Variants in ZNF536 observed in about 807,000 individuals in gnomAD.
ZNF536 encodes zinc finger protein 536.
In ZNF536, 13 loss-of-function variants were observed where a neutral mutation model predicts 84.5. That is an observed-to-expected ratio of 0.15 (90% CI 0.10 to 0.24). ZNF536 has a LOEUF of 0.24. ZNF536 is among the 10% of genes least tolerant of loss of function. ZNF536 has a pLI of 1.00. For synonymous variants in ZNF536, 811 were observed against 742.5 expected, an observed-to-expected ratio of 1.09 and a Z score of -1.50; for missense variants, 1,536 against 1,747.5, an observed-to-expected ratio of 0.88 and a Z score of 2.16.
chr19:30,639,972 C>T (rs920612169), intron 1 of ZNF536, among the ~76,000 whole-genome samples: 6 of 152,206 alleles, frequency 3.9e-5, no homozygotes, highest in Non-Finnish European at 5.9e-5. Flanking sequence ...TGGCCAGGTG[C>T]TGTGGCTCAC....
At chr19:30,450,851 C>T (rs1568444740) in intron 2 of ZNF536, among the ~76,000 whole-genome samples, 1 of 152,124 alleles carries the variant, frequency 6.6e-6, no homozygotes, top group Non-Finnish European at 1.5e-5. Context: ...GCCCCCAGCC[C>T]ACCCCAACTC....
In ZNF536 at chr19:30,485,623, T is replaced by A. The variant is rs1169622514; in HGVS notation, c.2170+39891T>A. On this transcript the variant is annotated intron_variant, in intron 2 of 4. Coordinates refer to ENST00000355537, the MANE Select transcript of ZNF536 (RefSeq NM_014717.3). ...TTCTTCTTTTTTTTTTTGTCTTTTC[T>A]TGGCCTTTTAGCAAAGACTGTGGAA... Among the ~76,000 whole-genome samples the A allele has an allele frequency of 2.0e-5, 3 of 151,916 alleles. No individual in the cohort carries two copies. In the East Asian group the frequency reaches 5.8e-4, roughly 29 times the overall value.
intron 3 of ZNF536, among the ~76,000 whole-genome samples, chr19:30,545,366 A>C (rs1440815763): frequency 8.0e-6 from 1 of 124,618 alleles, no homozygotes; most frequent in Non-Finnish European, 1.6e-5. Context: ...CAGTTTAAGT[A>C]CTACCCGCTC....
At chr19:30,428,478 A>G (rs976918485) in intron 1 of ZNF536, among the ~76,000 whole-genome samples, 3 of 152,252 alleles carry the variant, frequency 2.0e-5, no homozygotes, top group Admixed American at 6.5e-5. Context: ...TCTGTTACCC[A>G]GAGTCCCAGT....
rs111933856 is a variant in ZNF536 at position 30,266,471 on chromosome 19, C to T, written c.-189-17601C>T. Among the ~76,000 whole-genome samples, 1,403 of 152,260 alleles carry T rather than the reference C, an allele frequency of 9.2e-3. 10 individuals carry two copies. The highest frequency in any genetic ancestry group is 0.031 in the Middle Eastern group (9 of 294). On this transcript the variant is annotated intron_variant, in intron 1 of 5. Transcript: ENST00000585628. ...CCCAGTGGTGGCTTCCCCAAGGGAA[C>T]GGTTGGCATATGTTTAATTATTCAT...
chr19:30,455,311 A>G (rs866039549), intron 2 of ZNF536, among the ~76,000 whole-genome samples: 5 of 152,160 alleles, frequency 3.3e-5, no homozygotes, highest in Non-Finnish European at 5.9e-5. Flanking sequence ...TTATCGATGC[A>G]TAGTTTATGT....
chr19:30,395,175 C>T (rs2049763631), intron 1 of ZNF536, among the ~76,000 whole-genome samples: 1 of 151,982 alleles, frequency 6.6e-6, no homozygotes, highest in African/African-American at 2.4e-5. Context: ...ATCTATGGTA[C>T]AAGATTAATG....
chr19:30,707,808 G>A lies in ZNF536; in HGVS notation c.170-2949G>A, dbSNP rs141593284. Reference sequence around the variant, plus strand: ...GTGGATCACCTGAGGTCAGGAGTTTGAGACCAGCCTGGCCAACATGGAGAA... The same window carrying A: ...GTGGATCACCTGAGGTCAGGAGTTTAAGACCAGCCTGGCCAACATGGAGAA... On this transcript the variant is annotated intron_variant, in intron 1 of 1. Coordinates refer to the ZNF536 transcript ENST00000592773. Among the ~76,000 whole-genome samples, 380 of 152,120 alleles carry A rather than the reference G, an allele frequency of 2.5e-3. 4 individuals are homozygous for A. The highest frequency in any genetic ancestry group is 8.8e-3 in the African/African-American group (364 of 41,500).
chr19:30,532,884 T>G (rs2044901039), intron 2 of ZNF536, among the ~76,000 whole-genome samples: 1 of 152,220 alleles, frequency 6.6e-6, no homozygotes, highest in Non-Finnish European at 1.5e-5. Context: ...AACACTCTCT[T>G]GTGTCCATTT....
intron 1 of ZNF536, among the ~76,000 whole-genome samples, chr19:30,670,948 C>T (rs2050528413): frequency 6.6e-6 from 1 of 152,032 alleles, no homozygotes; most frequent in Non-Finnish European, 1.5e-5. Context: ...GGCTCCTCTC[C>T]CCACCCCATT....
chr19:30,267,824 G>A (rs1325578430), intron 1 of ZNF536, among the ~76,000 whole-genome samples: 1 of 151,998 alleles, frequency 6.6e-6, no homozygotes, highest in South Asian at 2.1e-4. Context: ...AGTGCTTTGC[G>A]AGTCTCGCTT....
chr19:30,482,704 T>C (rs2054138364), intron 2 of ZNF536, among the ~76,000 whole-genome samples: 1 of 152,196 alleles, frequency 6.6e-6, no homozygotes, highest in Non-Finnish European at 1.5e-5. Context: ...ACAGTAATGA[T>C]GTATTTTCCT....
At chr19:30,512,928 C>T (rs768559684) in intron 2 of ZNF536, among the ~76,000 whole-genome samples, 3 of 152,162 alleles carry the variant, frequency 2.0e-5, no homozygotes, top group African/African-American at 4.8e-5. Flanking sequence ...AAGAGAACAG[C>T]GCATCAGCCG....
chr19:30,230,622 G>T (rs1338566175), intron 1 of ZNF536, among the ~76,000 whole-genome samples: 1 of 152,186 alleles, frequency 6.6e-6, no homozygotes, highest in East Asian at 1.9e-4. Context: ...AGAAGGTGCC[G>T]CCCGACTTCC....
At chr19:30,325,789 C>T (rs2047003443) in intron 2 of ZNF536, among the ~76,000 whole-genome samples, 1 of 152,178 alleles carries the variant, frequency 6.6e-6, no homozygotes, top group Non-Finnish European at 1.5e-5. Context: ...CTGCTGAGTA[C>T]CTCCAGATGT....
intron 2 of ZNF536, among the ~76,000 whole-genome samples, chr19:30,504,647 T>TCTCA (rs1436490930): frequency 8.2e-6 from 1 of 122,372 alleles, no homozygotes; most frequent in African/African-American, 3.1e-5. Flanking sequence ...TCTCTGGCCC[T>TCTCA]CTCACTCTCC....
rs376902808 is a variant in ZNF536, at chr19:30,548,568, T to A, written c.2949T>A (p.Asp983Glu). Reference protein sequence around the residue: ...YEPLDLSVRPDAASLPGSSVT... With the variant: ...YEPLDLSVRPEAASLPGSSVT... ...CCCTGGACTTGTCTGTGCGGCCAGATGCCGCCTCCCTCCCGGGCTCCTCGG... is the reference window on the plus strand; with the variant it reads ...CCCTGGACTTGTCTGTGCGGCCAGAAGCCGCCTCCCTCCCGGGCTCCTCGG... Residue 983 changes from aspartate to glutamate, a missense_variant, in exon 4 of 5, where the codon GAT becomes GAA. Around this residue, in one of 8 missense-constraint regions of ZNF536, gnomAD observed 624 missense variants for 603.1 expected, o/e 1.03. Coordinates refer to ENST00000355537, the MANE Select transcript of ZNF536 (RefSeq NM_014717.3). The A allele has an allele frequency of 6.2e-7, 1 of 1,614,150 alleles. No homozygotes were observed.
At position 30,482,343 on chromosome 19, in the gene ZNF536, G is replaced by T. The variant is rs190421180; in HGVS notation, c.2170+36611G>T. On this transcript the variant is annotated intron_variant, in intron 2 of 4. Coordinates refer to ENST00000355537, the MANE Select transcript of ZNF536 (RefSeq NM_014717.3). ...GATTTTATCCTGCAGTAGAAAATGGGGATCTGAGGTTCTGAAATGTTAAGT... is the reference window on the plus strand; with the variant it reads ...GATTTTATCCTGCAGTAGAAAATGGTGATCTGAGGTTCTGAAATGTTAAGT... 4.6e-5 allele frequency among the ~76,000 whole-genome samples: 7 copies of T among 152,252 alleles called. No homozygotes were observed. The East Asian group carries it at 1.2e-3, about 25-fold the overall frequency.
chr19:30,481,579 A>T (rs1162425992), intron 2 of ZNF536, among the ~76,000 whole-genome samples: 3 of 152,260 alleles, frequency 2.0e-5, no homozygotes, highest in Non-Finnish European at 4.4e-5. Context: ...TTTTTAAAAA[A>T]TGCCAGGCAG....
Sources: gnomAD v4.1 joint callset for allele counts (sites outside exome capture counted in the v4.1 genomes callset) on GRCh38, gnomAD v4.1.1 for gene constraint, gnomAD v4.1.1 regional missense constraint, MANE v1.5 for transcripts, NCBI Gene and HGNC (gene_info 2026-07-23, HGNC 2026-07-21) for gene names.